Variants in RNGTT observed in about 807,000 individuals in gnomAD.
RNGTT encodes mRNA-capping enzyme.
In RNGTT, 33 loss-of-function variants were observed where a neutral mutation model predicts 79.3. The ratio of observed to expected loss-of-function variants is 0.42; its 90% confidence interval spans 0.32 to 0.56. The LOEUF is 0.56. Ranked by LOEUF, RNGTT falls within the 20% of genes least tolerant of loss-of-function variation. The pLI, the probability that RNGTT is intolerant of heterozygous loss-of-function variation, is 0.17. For missense variants in RNGTT, 497 were observed against 739.1 expected (o/e 0.67, Z 3.80); for synonymous variants, 222 against 235.9 (o/e 0.94, Z 0.54).
chr6:88,796,893 T>C (rs1217841227), intron 12 of RNGTT, among the ~76,000 whole-genome samples: 1 of 152,164 alleles, frequency 6.6e-6, no homozygotes, highest in East Asian at 1.9e-4. Flanking sequence ...AAATTGAATA[T>C]GTAAACTAAG....
chr6:88,849,689 A>C, intron 10 of RNGTT, 66 bp downstream of exon 10: 1 of 1,394,208 alleles, frequency 7.2e-7, no homozygotes, highest in Non-Finnish European at 9.5e-7. Context: ...AGCACCAAAG[A>C]CTATTGTCAA....
chr6:88,956,582 T>C (rs1189778581), intron 1 of RNGTT, among the ~76,000 whole-genome samples: 1 of 151,752 alleles, frequency 6.6e-6, no homozygotes, highest in African/African-American at 2.4e-5. Context: ...GGAAACAATA[T>C]AACAATAAAG....
chr6:88,659,107 C>T (rs1009890881), intron 14 of RNGTT, among the ~76,000 whole-genome samples: 4 of 152,198 alleles, frequency 2.6e-5, no homozygotes, highest in Non-Finnish European at 5.9e-5. Context: ...GGGAGAGCAA[C>T]ACATCAAGGG....
chr6:88,648,420 A>G (rs900426979), intron 14 of RNGTT, among the ~76,000 whole-genome samples: 2 of 151,926 alleles, frequency 1.3e-5, no homozygotes, highest in South Asian at 2.1e-4. Context: ...ACATGTATAC[A>G]TATGTAACAA....
chr6:88,671,198 G>C (rs1445171539), intron 14 of RNGTT, among the ~76,000 whole-genome samples: 1 of 152,090 alleles, frequency 6.6e-6, no homozygotes, highest in Non-Finnish European at 1.5e-5. Flanking sequence ...TGTATACCTA[G>C]AAAACCCTAA....
At chr6:88,734,694 T>C (rs771411602) in intron 13 of RNGTT, among the ~76,000 whole-genome samples, 5 of 152,120 alleles carry the variant, frequency 3.3e-5, no homozygotes, top group Admixed American at 6.6e-5. Flanking sequence ...TAACGACAGT[T>C]GAAATGACAA....
intron 11 of RNGTT, among the ~76,000 whole-genome samples, chr6:88,825,628 T>C (rs144573500): frequency 1.3e-5 from 2 of 152,360 alleles, no homozygotes; most frequent in East Asian, 3.9e-4. Flanking sequence ...CATGTAAACC[T>C]TGCCTTTGTT....
chr6:88,633,607 C>T (rs770996217), intron 14 of RNGTT, among the ~76,000 whole-genome samples: 2 of 152,100 alleles, frequency 1.3e-5, no homozygotes, highest in Non-Finnish European at 2.9e-5. Flanking sequence ...TGGCCTGGCA[C>T]AGTAAGTGCT....
At chr6:88,957,968 C>A (rs1389791493) in intron 1 of RNGTT, among the ~76,000 whole-genome samples, 1 of 152,174 alleles carries the variant, frequency 6.6e-6, no homozygotes, top group Non-Finnish European at 1.5e-5. Flanking sequence ...CATTACCCAA[C>A]TTCAAATTAT....
At chr6:88,826,824 G>GTGTGTA (rs1371450082) in intron 11 of RNGTT, among the ~76,000 whole-genome samples, 18 of 129,210 alleles carry the variant, frequency 1.4e-4, no homozygotes, top group African/African-American at 4.6e-4. Flanking sequence ...ATATGTGTGT[G>GTGTGTA]TATATATATA....
At chr6:88,832,825 T>G (rs1044224166) in intron 11 of RNGTT, among the ~76,000 whole-genome samples, 2 of 152,112 alleles carry the variant, frequency 1.3e-5, no homozygotes, top group African/African-American at 4.8e-5. Context: ...TATGAAAAAA[T>G]GCTCATCATC....
intron 13 of RNGTT, among the ~76,000 whole-genome samples, chr6:88,753,504 C>CA (rs879460994): frequency 0.014 from 1,685 of 119,010 alleles, 16 homozygotes; most frequent in African/African-American, 0.036. Context: ...ACCCCTGTCT[C>CA]AAAAAAAAAA....
At chr6:88,712,166 A>G (rs1394241215) in intron 13 of RNGTT, among the ~76,000 whole-genome samples, 1 of 152,222 alleles carries the variant, frequency 6.6e-6, no homozygotes, top group African/African-American at 2.4e-5. Flanking sequence ...CAAAGTGTAA[A>G]ACACTTCATT....
intron 11 of RNGTT, among the ~76,000 whole-genome samples, chr6:88,840,845 T>C (rs541681766): frequency 1.3e-5 from 2 of 152,352 alleles, no homozygotes; most frequent in South Asian, 2.1e-4. Context: ...CCCTAAAAAA[T>C]AGTTCTGATA....
intron 7 of RNGTT, 47 bp downstream of exon 7, chr6:88,891,755 TGTTG>T: frequency 8.9e-7 from 1 of 1,120,544 alleles, no homozygotes; most frequent in South Asian, 1.6e-5. Flanking sequence ...TTGTATTAAG[TGTTG>T]TAAAATAAGA....
rs780992342 is a variant in RNGTT, at chr6:88,801,647, C to A, written c.1270-15G>T. On this transcript the variant is annotated splice_polypyrimidine_tract_variant and intron_variant, in intron 11 of 15. Coordinates refer to ENST00000369485, the MANE Select transcript of RNGTT (RefSeq NM_003800.5). ...CCTTCAAGTAGCTATAAAATAAATACACATGTATTCTTTAAAAATATAATA... is the reference window on the plus strand; with the variant it reads ...CCTTCAAGTAGCTATAAAATAAATAAACATGTATTCTTTAAAAATATAATA... 6.6e-7 allele frequency: 1 copy of A among 1,522,308 alleles called. No homozygotes were observed. Among genetic ancestry groups the A allele is most frequent in the South Asian group, 1.1e-5 (1 of 88,656 alleles). The allele number at this position is 1,522,308 out of a possible 1,614,324, so 94.3% of individuals were successfully genotyped here.
intron 2 of RNGTT, among the ~76,000 whole-genome samples, chr6:88,934,205 G>A (rs780666483): frequency 6.6e-6 from 1 of 151,940 alleles, no homozygotes; most frequent in African/African-American, 2.4e-5. Flanking sequence ...CTAATTTTTT[G>A]AATTTTTTTA....
At chr6:88,847,047 TAACA>T (rs1781506714) in intron 10 of RNGTT, among the ~76,000 whole-genome samples, 1 of 152,210 alleles carries the variant, frequency 6.6e-6, no homozygotes, top group African/African-American at 2.4e-5. Context: ...ACACATATCC[TAACA>T]AATACATTAA....
intron 4 of RNGTT, among the ~76,000 whole-genome samples, chr6:88,906,840 G>A (rs917206391): frequency 2.0e-5 from 3 of 151,886 alleles, no homozygotes; most frequent in East Asian, 1.9e-4. Flanking sequence ...GAAAAAAAAC[G>A]GTCCTCTTCA....
Sources: allele counts gnomAD v4.1 joint callset (sites outside exome capture counted in the v4.1 genomes callset), GRCh38; gene constraint gnomAD v4.1.1; transcripts MANE v1.5; gene names NCBI Gene and HGNC (gene_info 2026-07-23, HGNC 2026-07-21).